CPNE4: variants seen among roughly 807,000 people sequenced by gnomAD.
CPNE4 encodes the protein copine 4.
In CPNE4, 25 loss-of-function variants were observed where a neutral mutation model predicts 67.9. The ratio of observed to expected loss-of-function variants is 0.37; its 90% CI spans 0.27 to 0.51. The LOEUF is 0.51. Among genes scored for constraint, CPNE4 ranks in the 20% least tolerant of loss-of-function variants. CPNE4 has a pLI of 0.93. For synonymous variants in CPNE4, 242 were observed against 244.9 expected, an observed-to-expected ratio of 0.99 and a Z score of 0.11; for missense variants, 464 against 690.8, an observed-to-expected ratio of 0.67 and a Z score of 3.68.
chr3:131,731,115 T>C (rs1449200576), intron 2 of CPNE4, among the ~76,000 whole-genome samples: 1 of 152,206 alleles, frequency 6.6e-6, no homozygotes, highest in Non-Finnish European at 1.5e-5. Context: ...CATTGAACCC[T>C]GCCTTCATCC....
intron 1 of CPNE4, among the ~76,000 whole-genome samples, chr3:131,930,200 A>G (rs2071017061): frequency 6.6e-6 from 1 of 152,168 alleles, no homozygotes; most frequent in Non-Finnish European, 1.5e-5. Flanking sequence ...CTCATAGGAA[A>G]TAGATGGCAC....
intron 2 of CPNE4, among the ~76,000 whole-genome samples, chr3:131,904,317 A>G (rs781041052): frequency 3.9e-5 from 6 of 152,000 alleles, no homozygotes; most frequent in Non-Finnish European, 7.4e-5. Flanking sequence ...GAATCTACTC[A>G]TGATTTCCAC....
In CPNE4 at chr3:131,839,428, T is replaced by C. The variant is rs193301474; in HGVS notation, c.180+65836A>G. 6.4e-3 allele frequency among the ~76,000 whole-genome samples: 971 copies of C among 151,148 alleles called. 15 individuals are homozygous for C. The highest frequency in any genetic ancestry group is 0.023 in the African/African-American group (943 of 41,374). On this transcript the variant is annotated intron_variant, in intron 2 of 15. Transcript: ENST00000429747. Reference sequence around the variant, plus strand: ...GGTACAAAATATATATCATACATTATATTAAAATATATTTATATTTACTTA... The same window carrying C: ...GGTACAAAATATATATCATACATTACATTAAAATATATTTATATTTACTTA...
At chr3:131,821,199 T>C (rs541672106) in intron 2 of CPNE4, among the ~76,000 whole-genome samples, 5 of 152,350 alleles carry the variant, frequency 3.3e-5, no homozygotes, top group African/African-American at 4.8e-5. Context: ...GAGTAATGTA[T>C]TTTGAGGCAA....
At chr3:131,693,422 AAATT>A (rs1319853083) in intron 5 of CPNE4, among the ~76,000 whole-genome samples, 5 of 152,184 alleles carry the variant, frequency 3.3e-5, no homozygotes, top group African/African-American at 9.6e-5. Context: ...TTTAATGGAA[AAATT>A]ATTATAATTA....
intron 1 of CPNE4, among the ~76,000 whole-genome samples, chr3:131,928,063 C>T (rs186109501): frequency 1.9e-4 from 29 of 152,008 alleles, no homozygotes; most frequent in East Asian, 7.8e-4. Context: ...TTTAGCATTG[C>T]GAATTTTGGT....
intron 9 of CPNE4, among the ~76,000 whole-genome samples, chr3:131,579,367 A>G (rs1233040460): frequency 1.3e-5 from 2 of 152,196 alleles, no homozygotes; most frequent in Non-Finnish European, 2.9e-5. Flanking sequence ...TCTGATGGAG[A>G]TGTGCAAGGG....
chr3:131,933,151 T>C (rs964448570), intron 1 of CPNE4, among the ~76,000 whole-genome samples: 1 of 152,030 alleles, frequency 6.6e-6, no homozygotes, highest in African/African-American at 2.4e-5. Flanking sequence ...TTAAGGGCAA[T>C]GGTGAATAAC....
At chr3:131,863,068 A>G (rs1297143934) in intron 2 of CPNE4, among the ~76,000 whole-genome samples, 5 of 152,120 alleles carry the variant, frequency 3.3e-5, no homozygotes, top group African/African-American at 4.8e-5. Context: ...ATAGTATTCC[A>G]TGGTGTATAT....
chr3:131,998,807 C>T (rs1467969411), intron 1 of CPNE4, among the ~76,000 whole-genome samples: 1 of 152,094 alleles, frequency 6.6e-6, no homozygotes, highest in African/African-American at 2.4e-5. Context: ...GTACCTACTA[C>T]ATATTATGCT....
intron 2 of CPNE4, among the ~76,000 whole-genome samples, chr3:131,782,464 AG>A (rs2083453136): frequency 6.8e-6 from 1 of 146,560 alleles, no homozygotes; most frequent in Non-Finnish European, 1.5e-5. Context: ...ATCGATTTAA[AG>A]TAATACACAC....
intron 1 of CPNE4, among the ~76,000 whole-genome samples, chr3:131,993,472 C>CAA (rs58116331): frequency 0.014 from 832 of 60,454 alleles, 133 homozygotes; most frequent in Middle Eastern, 0.028. Flanking sequence ...GCAGGAGTGG[C>CAA]AAAAAAAAAA....
chr3:131,800,145 C>A (rs973961270), intron 2 of CPNE4, among the ~76,000 whole-genome samples: 13 of 152,046 alleles, frequency 8.6e-5, no homozygotes, highest in Admixed American at 7.9e-4. Context: ...TCCCCCTCCT[C>A]TGTTTTGTAA....
At chr3:131,924,147 TCTC>T (rs1447511337) in intron 1 of CPNE4, among the ~76,000 whole-genome samples, 1 of 152,214 alleles carries the variant, frequency 6.6e-6, no homozygotes, top group Non-Finnish European at 1.5e-5. Context: ...CCTGTACTCT[TCTC>T]ATCAGAAGTA....
intron 8 of CPNE4, among the ~76,000 whole-genome samples, chr3:131,587,256 T>C (rs1938241164): frequency 6.6e-6 from 1 of 152,216 alleles, no homozygotes; most frequent in African/African-American, 2.4e-5. Context: ...CTTTCTGTTT[T>C]ACTAATGGAG....
chr3:131,977,031 A>G (rs933267842), intron 1 of CPNE4, among the ~76,000 whole-genome samples: 1 of 151,872 alleles, frequency 6.6e-6, no homozygotes, highest in African/African-American at 2.4e-5. Flanking sequence ...CGAACTCCTG[A>G]CCTCGTGATC....
At chr3:132,001,591 GAAA>G (rs1307136486) in intron 1 of CPNE4, among the ~76,000 whole-genome samples, 4 of 148,956 alleles carry the variant, frequency 2.7e-5, no homozygotes, top group Non-Finnish European at 6.0e-5. Context: ...AAGAAAGAAA[GAAA>G]GAAAGAAAGA....
At position 131,982,042 on chromosome 3, in the gene CPNE4, C is replaced by A. The variant is rs72994810; in HGVS notation, c.-2+52525G>T. Among the ~76,000 whole-genome samples the A allele has an allele frequency of 8.1e-3, 1,236 of 152,252 alleles. 5 individuals are homozygous for A. Among genetic ancestry groups the A allele is most frequent in the African/African-American group, 0.026 (1,078 of 41,536 alleles). On this transcript the variant is annotated intron_variant, in intron 1 of 15. Coordinates refer to ENST00000429747, the MANE Select transcript of CPNE4 (RefSeq NM_130808.3). ...GGAGCTAAAACTCACAATATGAGCC[C>A]CCGCACACTGCTCTGTCCAGAGCTG... is the stretch of plus-strand genomic sequence containing the variant.
chr3:131,550,417 G>A (rs1257209130), intron 13 of CPNE4, among the ~76,000 whole-genome samples: 1 of 152,056 alleles, frequency 6.6e-6, no homozygotes. Context: ...GCTTAGAGAT[G>A]TTCAATGATC....
Sources: allele counts gnomAD v4.1 joint callset (sites outside exome capture counted in the v4.1 genomes callset), GRCh38; gene constraint gnomAD v4.1.1; transcripts MANE v1.5; gene names NCBI Gene and HGNC (gene_info 2026-07-23, HGNC 2026-07-21).